The following DISC1 variants were observed in gnomAD, a reference collection of about 807,000 sequenced individuals.
DISC1 encodes the protein DISC1 scaffold protein, also known as disrupted in schizophrenia 1 protein.
A neutral mutation model predicts 84.5 loss-of-function variants in DISC1; 57 were observed. The observed-to-expected ratio is 0.67, with a 90% CI of 0.55 to 0.84. The LOEUF (loss-of-function observed/expected upper bound fraction) is 0.84, where lower values mean the gene tolerates loss of function less well. Ranked by LOEUF, DISC1 falls within the 40% of genes least tolerant of loss-of-function variation. The pLI, the probability that DISC1 is intolerant of heterozygous loss-of-function variation, is 0.00. For missense variants in DISC1, 1,000 were observed against 1,057.8 expected (o/e 0.95, Z 0.76); for synonymous variants, 411 against 415.2 (o/e 0.99, Z 0.12).
chr1:231,991,918 C>T (rs13375714), intron 10 of DISC1, among the ~76,000 whole-genome samples: 4,926 of 152,120 alleles, frequency 0.032, 261 homozygotes, highest in African/African-American at 0.11. Flanking sequence ...GAATTTTGTT[C>T]TGTGCCTTGC....
At chr1:231,735,283 A>G (rs1245220808) in intron 3 of DISC1, among the ~76,000 whole-genome samples, 1 of 152,196 alleles carries the variant, frequency 6.6e-6, no homozygotes, top group South Asian at 2.1e-4. Context: ...TCATTGACTT[A>G]CTGCATACCA....
intron 4 of DISC1, among the ~76,000 whole-genome samples, chr1:231,758,871 T>G (rs1212617590): frequency 6.6e-6 from 1 of 152,246 alleles, no homozygotes; most frequent in Non-Finnish European, 1.5e-5. Context: ...AATATGTACG[T>G]GAAAACTGGT....
At chr1:231,789,391 C>G (rs1008727939) in intron 6 of DISC1, among the ~76,000 whole-genome samples, 13 of 152,110 alleles carry the variant, frequency 8.5e-5, no homozygotes, top group African/African-American at 2.4e-5. Flanking sequence ...CCATATAGGC[C>G]CTTGCAGACT....
intron 4 of DISC1, among the ~76,000 whole-genome samples, chr1:231,765,178 A>G (rs1319329147): frequency 1.5e-5 from 2 of 135,194 alleles, no homozygotes; most frequent in African/African-American, 5.7e-5. Flanking sequence ...CAACAGAGCT[A>G]GACCTTGTCC....
At chr1:231,751,336 G>A (rs1320051512) in intron 4 of DISC1, among the ~76,000 whole-genome samples, 1 of 152,126 alleles carries the variant, frequency 6.6e-6, no homozygotes, top group East Asian at 1.9e-4. Context: ...AATAAATTTA[G>A]CTAATTTATT....
At chr1:231,636,644 A>C (rs2059225017) in intron 1 of DISC1, among the ~76,000 whole-genome samples, 1 of 152,180 alleles carries the variant, frequency 6.6e-6, no homozygotes, top group South Asian at 2.1e-4. Context: ...ACATGATAAA[A>C]GATATTGTTA....
Position 231,633,486 on chromosome 1 carries a change from G to A in DISC1, c.67+6552G>A, listed in dbSNP as rs1003103356. On this transcript the variant is annotated intron_variant, in intron 1 of 12. Transcript: ENST00000439617. Reference sequence around the variant, plus strand: ...GTCCTGCAGGATTGGGATTGTGCAGGATTTGAGCTACTGTGTAAATTTCCT... The same window carrying A: ...GTCCTGCAGGATTGGGATTGTGCAGAATTTGAGCTACTGTGTAAATTTCCT... Among the ~76,000 whole-genome samples, 4 of 152,160 alleles carry A rather than the reference G, an allele frequency of 2.6e-5. No individual in the cohort carries two copies. In the East Asian group the frequency reaches 7.7e-4, roughly 29 times the overall value.
At chr1:231,994,981 A>G (rs1028117900) in intron 10 of DISC1, among the ~76,000 whole-genome samples, 4 of 152,152 alleles carry the variant, frequency 2.6e-5, no homozygotes, top group Admixed American at 2.0e-4. Flanking sequence ...TGACCTCTAC[A>G]TGTTCCTCGT....
At chr1:232,005,533 C>G (rs1244900620) in intron 10 of DISC1, among the ~76,000 whole-genome samples, 1 of 152,020 alleles carries the variant, frequency 6.6e-6, no homozygotes, top group East Asian at 1.9e-4. Flanking sequence ...TTTCTTTGAT[C>G]TTTTCCTATT....
intron 1 of DISC1, among the ~76,000 whole-genome samples, chr1:231,632,643 C>T (rs1052771379): frequency 6.6e-6 from 1 of 152,164 alleles, no homozygotes; most frequent in Non-Finnish European, 1.5e-5. Flanking sequence ...GAACCTGGCT[C>T]CTCTTCTTTT....
chr1:232,036,889 C>G lies in DISC1; in HGVS notation c.*58C>G. On this transcript the variant is annotated 3_prime_UTR_variant, in exon 13 of 13. Transcript: ENST00000439617. ...CCATGTTTGGACCCGGGGGGCTGCT[C>G]TTCCCTCCCCCGCCATAGCTAAGAT... is the stretch of plus-strand genomic sequence containing the variant. 7.0e-7 allele frequency: 1 copy of G among 1,425,488 alleles called. No individual in the cohort carries two copies. Among genetic ancestry groups the G allele is most frequent in the Non-Finnish European group, 9.3e-7 (1 of 1,071,814 alleles). The allele number at this position is 1,425,488 out of a possible 1,614,324, so 88.3% of individuals were successfully genotyped here.
At chr1:231,628,714 T>A (rs1357562640) in intron 1 of DISC1, among the ~76,000 whole-genome samples, 1 of 152,238 alleles carries the variant, frequency 6.6e-6, no homozygotes, top group Non-Finnish European at 1.5e-5. Flanking sequence ...GAGCTGTGAT[T>A]CAGAACAGAC....
In DISC1 at chr1:232,040,570, A is replaced by T. The variant is rs189689658; in HGVS notation, c.*3739A>T. The T allele has an allele frequency of 6.6e-6, 1 of 152,348 alleles. No homozygotes were observed. Among genetic ancestry groups the T allele is most frequent in the East Asian group, 1.9e-4 (1 of 5,180 alleles). 9.4% of individuals were successfully genotyped at this position (152,348 alleles called of 1,614,324 possible). On this transcript the variant is annotated 3_prime_UTR_variant, in exon 13 of 13. Transcript: ENST00000439617. ...CAGAGCTGGTAAAATGTGAAGTAAT[A>T]GTGAACCTAACAGTCAGAGACAGGC...
chr1:231,868,385 G>C (rs1361581339), intron 9 of DISC1, among the ~76,000 whole-genome samples: 2 of 151,746 alleles, frequency 1.3e-5, no homozygotes, highest in African/African-American at 4.8e-5. Flanking sequence ...CGGTGGTTTT[G>C]CTAGGCAATA....
Position 231,763,574 on chromosome 1 carries a change from C to G in DISC1, c.1269-3566C>G, listed in dbSNP as rs190696309. Among the ~76,000 whole-genome samples the G allele has an allele frequency of 1.6e-3, 245 of 152,288 alleles. 1 individual carries two copies. Among genetic ancestry groups the G allele is most frequent in the Admixed American group, 8.5e-4 (13 of 15,304 alleles). ...TCTGTAACTGCTGTTTTCTAACTTA[C>G]AAAAACTGAGGTGACATATTTTCTA... On this transcript the variant is annotated intron_variant, in intron 4 of 12. Coordinates refer to ENST00000439617, the MANE Select transcript of DISC1 (RefSeq NM_018662.3).
intron 9 of DISC1, among the ~76,000 whole-genome samples, chr1:231,919,423 A>G (rs1046162478): frequency 6.6e-6 from 1 of 152,180 alleles, no homozygotes; most frequent in Non-Finnish European, 1.5e-5. Context: ...TAGTAAGTGA[A>G]TGTCAGGTCA....
At chr1:231,769,668 A>G (rs2076410003) in intron 5 of DISC1, among the ~76,000 whole-genome samples, 1 of 152,202 alleles carries the variant, frequency 6.6e-6, no homozygotes, top group East Asian at 1.9e-4. Flanking sequence ...CAAGATGAAA[A>G]GAGTTCTGTG....
intron 10 of DISC1, among the ~76,000 whole-genome samples, chr1:231,983,643 G>T (rs868705392): frequency 1.4e-5 from 2 of 138,366 alleles, no homozygotes; most frequent in African/African-American, 2.7e-5. Context: ...TTGGGGGTTG[G>T]GGGGAGGGGG....
At chr1:231,976,967 G>C (rs993130718) in intron 10 of DISC1, among the ~76,000 whole-genome samples, 2 of 152,100 alleles carry the variant, frequency 1.3e-5, no homozygotes, top group Non-Finnish European at 2.9e-5. Context: ...CCAATGAGGG[G>C]TGAGCGCTAT....
Sources: allele counts gnomAD v4.1 joint callset (sites outside exome capture counted in the v4.1 genomes callset), GRCh38; gene constraint gnomAD v4.1.1; transcripts MANE v1.5; gene names NCBI Gene and HGNC (gene_info 2026-07-23, HGNC 2026-07-21).